Variants in HEATR6 observed in about 807,000 individuals in gnomAD.
The protein encoded by HEATR6 is HEAT repeat-containing protein 6.
HEATR6 carries 106 observed loss-of-function variants against 132.8 expected under a neutral mutation model. That is an observed-to-expected ratio of 0.80 (90% confidence interval 0.68 to 0.94). The LOEUF is 0.94. Ranked by LOEUF, HEATR6 falls within the 40% of genes least tolerant of loss-of-function variation. The pLI, the probability that HEATR6 is intolerant of heterozygous loss-of-function variation, is 0.00. For synonymous variants in HEATR6, 529 were observed against 537.8 expected (o/e 0.98, Z 0.23); for missense variants, 1,339 against 1,425.1 (o/e 0.94, Z 0.97).
At chr17:60,045,903 T>C in intron 19 of HEATR6, 122 bp downstream of exon 19, 1 of 705,968 alleles carries the variant, frequency 1.4e-6, no homozygotes, top group Non-Finnish European at 2.4e-6. Flanking sequence ...TTGTCTTCAG[T>C]ATGTCTCCAT....
At chr17:60,053,910 C>A (rs1906660600) in intron 14 of HEATR6, among the ~76,000 whole-genome samples, 1 of 152,202 alleles carries the variant, frequency 6.6e-6, no homozygotes, top group South Asian at 2.1e-4. Flanking sequence ...AAAACTTGCA[C>A]CCTGGCCCTG....
At chr17:60,046,348 C>T (rs1906366906) in intron 18 of HEATR6, 119 bp from the exon 19 acceptor site, 2 of 674,132 alleles carry the variant, frequency 3.0e-6, no homozygotes, top group Non-Finnish European at 5.0e-6. Context: ...GTCCTTGGAA[C>T]TCACAAGGTC....
At chr17:60,049,432 T>C in intron 16 of HEATR6, 148 bp downstream of exon 16, 1 of 889,560 alleles carries the variant, frequency 1.1e-6, no homozygotes, top group Non-Finnish European at 1.6e-6. Flanking sequence ...GCCTGGCCCA[T>C]GACCATATTT....
chr17:60,048,165 C>T (rs751484356), intron 17 of HEATR6, 99 bp downstream of exon 17: 125 of 1,247,340 alleles, frequency 1.0e-4, no homozygotes, highest in Non-Finnish European at 1.3e-4. Flanking sequence ...GCATAATATG[C>T]GGGAACTACT....
chr17:60,050,181 T>C (rs543986446), intron 15 of HEATR6, among the ~76,000 whole-genome samples: 5 of 152,218 alleles, frequency 3.3e-5, no homozygotes, highest in African/African-American at 1.2e-4. Flanking sequence ...GCCCTTATGA[T>C]TGAGGCCCCA....
intron 19 of HEATR6, among the ~76,000 whole-genome samples, 176 bp from the exon 20 acceptor site, chr17:60,044,310 G>GT (rs1906290476): frequency 6.6e-6 from 1 of 152,196 alleles, no homozygotes; most frequent in African/African-American, 2.4e-5. Flanking sequence ...AGGATCCTAG[G>GT]TAAGTGGCCA....
chr17:60,072,299 G>C lies in HEATR6; in HGVS notation c.615C>G (p.Pro205=), dbSNP rs769214093. ...SVPGQPYLEE[P]YQNVCFQAFL... is the part of the protein sequence containing the mutation. The stretch of plus-strand genomic sequence containing the variant: ...AAGCTTGGAAACAGACATTTTGGTA[G>C]GGCTCCTCCAAATACGGCTGTCCTG... Residue 205 remains proline (P), a synonymous_variant, in exon 5 of 20, where the codon CCC becomes CCG. Transcript: ENST00000184956. The C allele has an allele frequency of 3.7e-6, 6 of 1,610,578 alleles. No homozygotes were observed. In the Admixed American group the frequency reaches 6.7e-5, roughly 18 times the overall value.
Position 60,075,430 on chromosome 17 carries a change from A to G in HEATR6, c.327+700T>C, listed in dbSNP as rs1294851774. ...TGCAGCCAAAAGCATCCTAATTCACATAATGCTAGTTGATATGTTTTGTGC... is the reference window on the plus strand; with the variant it reads ...TGCAGCCAAAAGCATCCTAATTCACGTAATGCTAGTTGATATGTTTTGTGC... On this transcript the variant is annotated intron_variant, in intron 2 of 19. Transcript: ENST00000184956. Among the ~76,000 whole-genome samples the G allele has an allele frequency of 2.6e-5, 4 of 152,232 alleles. No individual in the cohort carries two copies. In the East Asian group the frequency reaches 7.7e-4, roughly 29 times the overall value.
In HEATR6 at chr17:60,046,051, A is replaced by G; in HGVS notation, c.2948T>C (p.Val983Ala). The change falls in exon 19 of 20, where the codon GTA (valine) becomes GCA (alanine). Residue 983 changes from valine to alanine, a missense_variant. By Grantham distance (64) the Val-to-Ala change is moderately conservative. Transcript: ENST00000184956. ...TAAAGGAAGGGCAGGATTTTTAAAT[A>G]CATTTCCCATTGCATAACAAGCATT... ...RWNACYAMGN[V>A]FKNPALPLGT... is the part of the protein sequence containing the mutation. 1 of 1,613,972 alleles carries G rather than the reference A, an allele frequency of 6.2e-7. No homozygotes were observed. The highest frequency in any genetic ancestry group is 8.5e-7 in the Non-Finnish European group (1 of 1,179,930).
At position 60,066,393 on chromosome 17, in the gene HEATR6, T is replaced by C. The variant is rs751802725; in HGVS notation, c.1239-7A>G. 1.9e-6 allele frequency: 3 copies of C among 1,552,656 alleles called. No homozygotes were observed. The highest frequency in any genetic ancestry group is 1.4e-5 in the African/African-American group (1 of 71,728). On this transcript the variant is annotated splice_region_variant and splice_polypyrimidine_tract_variant and intron_variant, in intron 8 of 19. Coordinates refer to ENST00000184956, the MANE Select transcript of HEATR6 (RefSeq NM_022070.5). ...AACTTTAGCTTGGTAAGACCTTTCA[T>C]AACCAAGAGAAAAAAGAAAAAACAC...
intron 14 of HEATR6, among the ~76,000 whole-genome samples, chr17:60,054,840 G>A (rs1372142421): frequency 1.3e-5 from 2 of 152,214 alleles, no homozygotes; most frequent in African/African-American, 4.8e-5. Flanking sequence ...TTGGGAGGAG[G>A]TGACTGTATT....
Position 60,061,949 on chromosome 17 carries a change from A to C in HEATR6, c.1417-1853T>G, listed in dbSNP as rs556433721. 2.0e-5 allele frequency among the ~76,000 whole-genome samples: 3 copies of C among 152,396 alleles called. No homozygotes were observed. The East Asian group carries it at 5.8e-4, about 29-fold the overall frequency. ...ATGGAAAGAAATGAACTAATGTTCC[A>C]AAAGTCAAAAATTTTAGCACAATTT... is the stretch of plus-strand genomic sequence containing the variant. On this transcript the variant is annotated intron_variant, in intron 9 of 19. Transcript: ENST00000184956.
chr17:60,043,464 G>T lies in HEATR6; in HGVS notation c.*99C>A. The T allele has an allele frequency of 3.0e-6, 3 of 1,001,424 alleles. No individual in the cohort carries two copies. The highest frequency in any genetic ancestry group is 1.6e-5 in the South Asian group (1 of 64,044). 62.0% of individuals were successfully genotyped at this position (1,001,424 alleles called of 1,614,324 possible). ...AAGTCATTCTAAATAAATAGTGAACGGATTGTTTCTGCCCCTAAGATGAAA... is the reference window on the plus strand; with the variant it reads ...AAGTCATTCTAAATAAATAGTGAACTGATTGTTTCTGCCCCTAAGATGAAA... On this transcript the variant is annotated 3_prime_UTR_variant, in exon 20 of 20. Transcript: ENST00000184956.
chr17:60,052,968 A>C (rs1906634350), intron 14 of HEATR6, among the ~76,000 whole-genome samples: 1 of 152,122 alleles, frequency 6.6e-6, no homozygotes, highest in African/African-American at 2.4e-5. Flanking sequence ...CCTTTTTTAC[A>C]ACTAGGAAAC....
chr17:60,056,287 C>A (rs1213468388), intron 12 of HEATR6, 50 bp from the exon 13 acceptor site: 4 of 1,539,968 alleles, frequency 2.6e-6, no homozygotes, highest in Non-Finnish European at 3.5e-6. Flanking sequence ...TGCAAGGCTG[C>A]AATATCCAGA....
chr17:60,076,242 C>CAAA lies in HEATR6; in HGVS notation c.220-8_220-6dup. ...GACAAGAAGAGCACTAACGTCCTAC[C>CAAA]AAAAAAAAAAAGATAAGAGGTAAAA... On this transcript the variant is annotated splice_region_variant and splice_polypyrimidine_tract_variant and intron_variant, in intron 1 of 19. Transcript: ENST00000184956. The CAAA allele has an allele frequency of 6.7e-6, 8 of 1,199,220 alleles. No homozygotes were observed. The highest frequency in any genetic ancestry group is 9.1e-6 in the Non-Finnish European group (8 of 883,460). 74.3% of individuals were successfully genotyped at this position (1,199,220 alleles called of 1,614,324 possible). A position where few individuals can be genotyped will look rare whatever the true frequency, so the allele number is the denominator to read the frequency against.
At chr17:60,069,432 T>C (rs1235688602) in intron 7 of HEATR6, among the ~76,000 whole-genome samples, 5 of 152,250 alleles carry the variant, frequency 3.3e-5, no homozygotes, top group Admixed American at 3.3e-4. Context: ...TGTTGACTCC[T>C]GGTCTTGAGC....
intron 3 of HEATR6, 56 bp from the exon 4 acceptor site, chr17:60,073,335 G>A (rs1055026280): frequency 2.0e-6 from 2 of 1,005,710 alleles, no homozygotes; most frequent in Non-Finnish European, 3.1e-6. Flanking sequence ...AAAATATTAT[G>A]TTTTAGACAG....
At position 60,075,956 on chromosome 17, in the gene HEATR6, A is replaced by C. The variant is rs532264321; in HGVS notation, c.327+174T>G. 3.8e-4 allele frequency: 173 copies of C among 459,600 alleles called. 1 individual carries two copies. In the South Asian group the frequency reaches 6.3e-3, roughly 17 times the overall value. The allele number at this position is 459,600 out of a possible 1,614,324, so 28.5% of individuals were successfully genotyped here. ...CAAACTTCTAGAATTCTACAGAATA[A>C]TTTTTTTGGATCAGAGTTATATTTG... On this transcript the variant is annotated intron_variant, in intron 2 of 19. Coordinates refer to ENST00000184956, the MANE Select transcript of HEATR6 (RefSeq NM_022070.5).
Sources: gnomAD v4.1 joint callset for allele counts (sites outside exome capture counted in the v4.1 genomes callset) on GRCh38, gnomAD v4.1.1 for gene constraint, MANE v1.5 for transcripts, NCBI Gene and HGNC (gene_info 2026-07-23, HGNC 2026-07-21) for gene names.